The following THUMPD3 variants were observed in gnomAD, a reference collection of about 807,000 sequenced individuals.
THUMPD3 encodes THUMP domain 3 tRNA guanosine methyltransferase, also known as tRNA (guanine(6)-N(2))-methyltransferase THUMP3.
In THUMPD3, 44 loss-of-function variants were observed where a neutral mutation model predicts 54.5. That is an observed-to-expected ratio of 0.81 (90% confidence interval 0.63 to 1.04). The LOEUF is 1.04. THUMPD3 is among the 50% of genes least tolerant of loss of function. The pLI is 0.00. For synonymous variants in THUMPD3, 196 were observed against 201.4 expected, an observed-to-expected ratio of 0.97 and a Z score of 0.23; for missense variants, 604 against 601.3, an observed-to-expected ratio of 1.00 and a Z score of -0.05.
intron 5 of THUMPD3, among the ~76,000 whole-genome samples, chr3:9,377,317 A>AT (rs1176969029): frequency 1.3e-5 from 2 of 151,884 alleles, no homozygotes; most frequent in Non-Finnish European, 2.9e-5. Flanking sequence ...AGTTATAAGG[A>AT]TTTTTTTTCC....
chr3:9,369,300 A>T (rs1025192380), intron 3 of THUMPD3, among the ~76,000 whole-genome samples: 15 of 95,350 alleles, frequency 1.6e-4, no homozygotes, highest in African/African-American at 6.5e-4. Flanking sequence ...ACAGAGCAAG[A>T]CTCCGTCTCA....
chr3:9,375,950 C>T (rs2596919), intron 5 of THUMPD3, among the ~76,000 whole-genome samples: 135,683 of 152,270 alleles, frequency 0.89, 60,832 homozygotes, highest in East Asian at 1. Flanking sequence ...ATGCAGTACA[C>T]GACTGTATTC....
Position 9,377,858 on chromosome 3 carries a change from A to G in THUMPD3, c.978A>G (p.Pro326=), listed in dbSNP as rs2032593287. The G allele has an allele frequency of 6.2e-7, 1 of 1,613,614 alleles. No individual in the cohort carries two copies. The highest frequency in any genetic ancestry group is 8.5e-7 in the Non-Finnish European group (1 of 1,179,608). ...TACCTTATGATATAATAGTCGATCC[A>G]ATGTGTGGAACTGGGGCAATACCAA... ...DPLPYDIIVD[P]MCGTGAIPIE... Residue 326 remains proline (P), a synonymous_variant, in exon 6 of 10, where the codon CCA becomes CCG. Coordinates refer to ENST00000452837, the MANE Select transcript of THUMPD3 (RefSeq NM_001114092.2).
At position 9,365,125 on chromosome 3, in the gene THUMPD3, C is replaced by G. The variant is rs143029667; in HGVS notation, c.57C>G (p.Asn19Lys). The change falls in exon 2 of 10, where the codon AAC becomes AAG. Residue 19 changes from asparagine (N) to lysine (K), a missense_variant. Asn to Lys is a moderately conservative substitution (Grantham distance 94). Transcript: ENST00000452837. Reference sequence around the variant, plus strand: ...TCCTAGATGTGAACCTTCATGAGAACCAGAAGTCTGTACAAGTGACAGAAA... The same window carrying G: ...TCCTAGATGTGAACCTTCATGAGAAGCAGAAGTCTGTACAAGTGACAGAAA... The part of the protein sequence containing the change: ...NQLLDVNLHE[N>K]QKSVQVTESD... 6 of 1,614,174 alleles carry G rather than the reference C, an allele frequency of 3.7e-6. No homozygotes were observed. The African/African-American group carries it at 8.0e-5, about 22-fold the overall frequency.
intron 2 of THUMPD3, among the ~76,000 whole-genome samples, chr3:9,366,141 C>T (rs1045190448): frequency 3.9e-5 from 6 of 152,216 alleles, no homozygotes; most frequent in South Asian, 2.1e-4. Flanking sequence ...AGATGTTTAA[C>T]CTTTGGTGAT....
chr3:9,365,246 C>G lies in THUMPD3; in HGVS notation c.178C>G (p.Leu60Val). 2 of 1,614,226 alleles carry G rather than the reference C, an allele frequency of 1.2e-6. No individual in the cohort carries two copies. The highest frequency in any genetic ancestry group is 1.7e-6 in the Non-Finnish European group (2 of 1,180,040). ...AGCTGCAGATGAAGTCAGAGAGAAA[C>G]TTGGGTCATCATGCAAAATCAGCAG... ...QTAADEVREKLGSSCKISRDR... is the reference protein window; with the variant it reads ...QTAADEVREKVGSSCKISRDR... Residue 60 changes from leucine to valine, a missense_variant, in exon 2 of 10, where the codon CTT (leucine) becomes GTT (valine). Coordinates refer to ENST00000452837, the MANE Select transcript of THUMPD3 (RefSeq NM_001114092.2).
intron 4 of THUMPD3, among the ~76,000 whole-genome samples, chr3:9,372,437 C>T (rs1376164163): frequency 2.0e-5 from 3 of 151,816 alleles, no homozygotes; most frequent in Non-Finnish European, 1.5e-5. Flanking sequence ...AAAATTGGCC[C>T]GTCATGATGG....
At chr3:9,363,719 C>A (rs971334889) in intron 1 of THUMPD3, 1 of 152,010 alleles carries the variant, frequency 6.6e-6, no homozygotes, top group Non-Finnish European at 1.5e-5. Flanking sequence ...TCTATGGATC[C>A]CAGAGTCTGG....
At position 9,384,630 on chromosome 3, in the gene THUMPD3, T is replaced by C. The variant is rs2033203974; in HGVS notation, c.1466T>C (p.Phe489Ser). Reference protein sequence around the residue: ...VYVLIRTPQAFVHPSEQDGER... With the variant: ...VYVLIRTPQASVHPSEQDGER... ...GTTCTGATACGTACACCTCAAGCTT[T>C]TGTTCATCCTTCAGAACAAGACGGA... The change falls in exon 10 of 10, where the codon TTT becomes TCT. Residue 489 changes from phenylalanine (F) to serine (S), a missense_variant. Coordinates refer to ENST00000452837, the MANE Select transcript of THUMPD3 (RefSeq NM_001114092.2). 2 of 1,614,226 alleles carry C rather than the reference T, an allele frequency of 1.2e-6. No homozygotes were observed. Among genetic ancestry groups the C allele is most frequent in the Non-Finnish European group, 1.7e-6 (2 of 1,180,036 alleles).
chr3:9,368,361 T>TA (rs2031744952), intron 3 of THUMPD3, among the ~76,000 whole-genome samples: 1 of 12,284 alleles, frequency 8.1e-5, no homozygotes, highest in South Asian at 6.5e-3. Context: ...CCCGCGCATA[T>TA]TTTTTTTTTT....
intron 3 of THUMPD3, among the ~76,000 whole-genome samples, chr3:9,368,747 T>C (rs2031776361): frequency 6.6e-6 from 1 of 152,204 alleles, no homozygotes; most frequent in African/African-American, 2.4e-5. Flanking sequence ...GGAGCAAACT[T>C]GTAAAGACTG....
At chr3:9,374,245 A>G (rs2032286326) in intron 4 of THUMPD3, among the ~76,000 whole-genome samples, 1 of 152,110 alleles carries the variant, frequency 6.6e-6, no homozygotes, top group African/African-American at 2.4e-5. Context: ...TTTCACCCCA[A>G]TTTTTATAAC....
At position 9,383,218 on chromosome 3, in the gene THUMPD3, C is replaced by T. The variant is rs762101574; in HGVS notation, c.1144C>T (p.Pro382Ser). ...IKEGKPSWGLPIDAVQWDICN... is the reference protein window; with the variant it reads ...IKEGKPSWGLSIDAVQWDICN... ...CCACAGCAAACCCTCCTGGGGCTTGCCCATAGATGCTGTTCAGTGGGATAT... is the reference window on the plus strand; with the variant it reads ...CCACAGCAAACCCTCCTGGGGCTTGTCCATAGATGCTGTTCAGTGGGATAT... Residue 382 changes from proline (P) to serine (S), a missense_variant, in exon 8 of 10, where the codon CCC (proline) becomes TCC (serine). Coordinates refer to ENST00000452837, the MANE Select transcript of THUMPD3 (RefSeq NM_001114092.2). The T allele has an allele frequency of 6.2e-7, 1 of 1,613,860 alleles. No homozygotes were observed. The highest frequency in any genetic ancestry group is 1.7e-5 in the Admixed American group (1 of 60,024).
intron 3 of THUMPD3, among the ~76,000 whole-genome samples, chr3:9,368,541 T>G (rs2031759450): frequency 6.6e-6 from 1 of 151,960 alleles, no homozygotes; most frequent in Non-Finnish European, 1.5e-5. Context: ...TTTTGTATTT[T>G]TAGTAGAGAC....
rs779602979 is a variant in THUMPD3, at chr3:9,369,309, C to CAAAAAA, written c.331-1732_331-1727dup. On this transcript the variant is annotated intron_variant, in intron 3 of 9. Transcript: ENST00000452837. ...TGGGCAACAGAGCAAGACTCCGTCT[C>CAAAAAA]AAAAAAAAAAAAAAAAAAAAAAAAG... is the stretch of plus-strand genomic sequence containing the variant. 4.1e-3 allele frequency among the ~76,000 whole-genome samples: 244 copies of CAAAAAA among 60,216 alleles called. 1 individual carries two copies. Among genetic ancestry groups the CAAAAAA allele is most frequent in the Middle Eastern group, 0.013 (1 of 80 alleles). 39.5% of individuals were successfully genotyped at this position (60,216 alleles called of 152,430 possible).
chr3:9,374,253 AAC>A (rs1379174702), intron 4 of THUMPD3, among the ~76,000 whole-genome samples: 1 of 152,214 alleles, frequency 6.6e-6, no homozygotes, highest in Non-Finnish European at 1.5e-5. Context: ...CAATTTTTAT[AAC>A]ACAAACATAT....
At position 9,385,313 on chromosome 3, in the gene THUMPD3, G is replaced by A. The variant is rs2125340207; in HGVS notation, c.*625G>A. The A allele has an allele frequency of 6.6e-6, 1 of 152,370 alleles. No individual in the cohort carries two copies. Among genetic ancestry groups the A allele is most frequent in the East Asian group, 1.9e-4 (1 of 5,188 alleles). 9.4% of individuals were successfully genotyped at this position (152,370 alleles called of 1,614,324 possible). A position where few individuals can be genotyped will look rare whatever the true frequency, so the allele number is the denominator to read the frequency against. The stretch of plus-strand genomic sequence containing the variant: ...CAGGCTTTATGGCCTATTTTCCATT[G>A]TGTCAAGTGCAAAACTACCCTGGCC... On this transcript the variant is annotated 3_prime_UTR_variant, in exon 10 of 10. Transcript: ENST00000452837.
chr3:9,373,920 T>C (rs2032252786), intron 4 of THUMPD3, among the ~76,000 whole-genome samples: 1 of 152,228 alleles, frequency 6.6e-6, no homozygotes, highest in Non-Finnish European at 1.5e-5. Flanking sequence ...TTTTTAAAAC[T>C]TTTTTGTTGA....
At chr3:9,377,956 A>G (rs2032608154) in intron 6 of THUMPD3, 68 bp downstream of exon 6, 1 of 1,252,308 alleles carries the variant, frequency 8.0e-7, no homozygotes, top group Admixed American at 1.7e-5. Flanking sequence ...TAATGGGCAA[A>G]TTAGACATAA....
Sources: allele counts gnomAD v4.1 joint callset (sites outside exome capture counted in the v4.1 genomes callset), GRCh38; gene constraint gnomAD v4.1.1; transcripts MANE v1.5; gene names NCBI Gene and HGNC (gene_info 2026-07-23, HGNC 2026-07-21).